SLC38A12: variants seen among roughly 807,000 people sequenced by gnomAD.
The protein encoded by SLC38A12 is putative sodium-coupled neutral amino acid transporter 12.
chr17:74,793,447 G>A, the SLC38A12 span, among the ~76,000 whole-genome samples: 1 of 152,154 alleles, frequency 6.6e-6, no homozygotes, highest in Non-Finnish European at 1.5e-5. Flanking sequence ...ACCCTTGGTG[G>A]GGCTGCCTCC....
At chr17:74,833,161 T>A in the SLC38A12 span, among the ~76,000 whole-genome samples, 1 of 152,174 alleles carries the variant, frequency 6.6e-6, no homozygotes, top group Admixed American at 6.5e-5. Flanking sequence ...GTAGCTGGGA[T>A]TGCAGGTGCG....
the SLC38A12 span, chr17:74,785,691 G>C: frequency 7.5e-5 from 114 of 1,513,678 alleles, 2 homozygotes; most frequent in South Asian, 1.4e-3. Context: ...GGGCACTGAG[G>C]GGGTGGGAAG....
chr17:74,791,070 A>G, the SLC38A12 span: 1 of 1,589,478 alleles, frequency 6.3e-7, no homozygotes, highest in South Asian at 1.1e-5. Flanking sequence ...GTGTGGGGAA[A>G]CGGGGAGCTG....
the SLC38A12 span, among the ~76,000 whole-genome samples, chr17:74,826,518 G>A: frequency 1.3e-5 from 2 of 152,360 alleles, no homozygotes; most frequent in Admixed American, 1.3e-4. Flanking sequence ...CCTCCTTTCA[G>A]CAGAAACCCA....
the SLC38A12 span, chr17:74,838,353 A>G: frequency 1.0e-6 from 1 of 996,528 alleles, no homozygotes; most frequent in African/African-American, 1.7e-5. Context: ...GCCAAGAGCA[A>G]GGAAGACCTG....
chr17:74,835,998 G>C, the SLC38A12 span: 1 of 1,611,818 alleles, frequency 6.2e-7, no homozygotes, highest in South Asian at 1.1e-5. Flanking sequence ...CCCGCCCCTG[G>C]CTGACTTCTC....
the SLC38A12 span, among the ~76,000 whole-genome samples, chr17:74,831,359 A>T: frequency 1.1e-4 from 16 of 152,282 alleles, no homozygotes; most frequent in Admixed American, 6.5e-4. Flanking sequence ...CCCAGGGGAA[A>T]CTCAGTCCAT....
the SLC38A12 span, among the ~76,000 whole-genome samples, chr17:74,816,829 C>T: frequency 7.9e-5 from 12 of 152,072 alleles, no homozygotes; most frequent in Non-Finnish European, 1.3e-4. Context: ...CAGGAGCCAG[C>T]TAATTTATAA....
chr17:74,820,917 T>C, the SLC38A12 span, among the ~76,000 whole-genome samples: 3 of 152,204 alleles, frequency 2.0e-5, no homozygotes, highest in African/African-American at 7.2e-5. Flanking sequence ...GCAATTCCCC[T>C]GGTTCCCCAG....
chr17:74,835,588 C>G, the SLC38A12 span, among the ~76,000 whole-genome samples: 2 of 152,190 alleles, frequency 1.3e-5, no homozygotes, highest in African/African-American at 2.4e-5. Context: ...ATGAGGGAGC[C>G]AGGCAGTGCC....
At chr17:74,790,272 G>C in the SLC38A12 span, 3 of 1,614,142 alleles carry the variant, frequency 1.9e-6, no homozygotes, top group Non-Finnish European at 2.5e-6. Flanking sequence ...CGAGCGGGCA[G>C]AGAAGCGGCC....
the SLC38A12 span, among the ~76,000 whole-genome samples, chr17:74,783,391 A>G: frequency 6.6e-6 from 1 of 152,226 alleles, no homozygotes; most frequent in African/African-American, 2.4e-5. Context: ...TTGTTGCCAC[A>G]AGGATTCAAA....
chr17:74,827,531 A>T, the SLC38A12 span, among the ~76,000 whole-genome samples: 1 of 152,002 alleles, frequency 6.6e-6, no homozygotes, highest in Non-Finnish European at 1.5e-5. This position sits in a 1 kb window ranked among gnomAD's most constrained non-coding sequence, Gnocchi z 4.7. Flanking sequence ...CCTGACCTCA[A>T]GTGATCCACC....
At chr17:74,814,018 G>A in the SLC38A12 span, among the ~76,000 whole-genome samples, 1 of 152,140 alleles carries the variant, frequency 6.6e-6, no homozygotes, top group African/African-American at 2.4e-5. Flanking sequence ...GGTGGGTGGC[G>A]GTGGGTGACT....
chr17:74,836,874 C>A, the SLC38A12 span: 1 of 1,389,868 alleles, frequency 7.2e-7, no homozygotes. This position sits in a 1 kb window ranked among gnomAD's most constrained non-coding sequence, Gnocchi z 4.2. Flanking sequence ...CACCTGTCCT[C>A]ACTCCCCCGG....
chr17:74,820,068 T>C, the SLC38A12 span, among the ~76,000 whole-genome samples: 1 of 152,192 alleles, frequency 6.6e-6, no homozygotes, highest in African/African-American at 2.4e-5. Flanking sequence ...ACAAGATGAT[T>C]GTTTCGAGGT....
chr17:74,802,238 C>A, the SLC38A12 span, among the ~76,000 whole-genome samples: 1 of 152,152 alleles, frequency 6.6e-6, no homozygotes, highest in African/African-American at 2.4e-5. Flanking sequence ...GGCATTATGC[C>A]CACCATCCAT....
At chr17:74,823,909 G>A in the SLC38A12 span, among the ~76,000 whole-genome samples, 1 of 152,272 alleles carries the variant, frequency 6.6e-6, no homozygotes, top group Non-Finnish European at 1.5e-5. Flanking sequence ...TGTCTGTGCG[G>A]TGGCAGCGAG....
chr17:74,790,060 C>T, the SLC38A12 span: 1 of 639,286 alleles, frequency 1.6e-6, no homozygotes, highest in Admixed American at 2.2e-5. Flanking sequence ...CTCAGGTGAT[C>T]CTCCCATCTC....
Sources: allele counts gnomAD v4.1 joint callset (sites outside exome capture counted in the v4.1 genomes callset), GRCh38; gene constraint gnomAD v4.1.1; non-coding constraint Gnocchi (gnomAD v3.1); transcripts MANE v1.5; gene names NCBI Gene and HGNC (gene_info 2026-07-23, HGNC 2026-07-21).